Variants in MALRD1 observed in about 807,000 individuals in gnomAD.
MALRD1 encodes the protein MAM and LDL receptor class A domain containing 1.
MALRD1 carries 247 observed loss-of-function variants against 242.1 expected under a neutral mutation model. That is an observed-to-expected ratio of 1.02 (90% CI 0.92 to 1.13). The LOEUF is 1.13. MALRD1 is among the 50% of genes most tolerant of loss of function. MALRD1 has a pLI of 0.00. For synonymous variants in MALRD1, 995 were observed against 866.6 expected (o/e 1.15, Z -2.60); for missense variants, 2,989 against 2,533.1 (o/e 1.18, Z -3.86).
chr10:19,124,043 CAAA>C (rs71387044), intron 6 of MALRD1, among the ~76,000 whole-genome samples: 5 of 87,278 alleles, frequency 5.7e-5, no homozygotes, highest in South Asian at 3.5e-4. Flanking sequence ...TCATCTCTAC[CAAA>C]AAAAAAAAAA....
At chr10:19,480,088 G>A (rs550323838) in intron 29 of MALRD1, among the ~76,000 whole-genome samples, 1 of 152,320 alleles carries the variant, frequency 6.6e-6, no homozygotes, top group East Asian at 1.9e-4. Flanking sequence ...CCATGTGGCT[G>A]AGGAGGGACA....
At position 19,387,392 on chromosome 10, in the gene MALRD1, G is replaced by T; in HGVS notation, c.4442-136G>T. ...GAGCAGAGTGGGAGAGAGAGAGATG[G>T]GGTTCAGGTACCTCAAATTCCTAAG... On this transcript the variant is annotated intron_variant, in intron 26 of 39. Coordinates refer to ENST00000454679, the MANE Select transcript of MALRD1 (RefSeq NM_001142308.3). The T allele has an allele frequency of 4.1e-6, 4 of 982,642 alleles. No homozygotes were observed. The East Asian group carries it at 1.1e-4, about 26-fold the overall frequency. The allele number at this position is 982,642 out of a possible 1,614,324, so 60.9% of individuals were successfully genotyped here.
intron 32 of MALRD1, among the ~76,000 whole-genome samples, chr10:19,538,232 A>G (rs569137091): frequency 3.9e-5 from 6 of 152,346 alleles, no homozygotes; most frequent in African/African-American, 1.4e-4. Context: ...AAAATATTTT[A>G]TAGAAATTAG....
chr10:19,455,610 A>T (rs1057013054), intron 29 of MALRD1, among the ~76,000 whole-genome samples: 1 of 152,214 alleles, frequency 6.6e-6, no homozygotes, highest in African/African-American at 2.4e-5. Flanking sequence ...ACTTTGAAAA[A>T]CACATGAGAT....
rs149059433 is a variant in MALRD1, at chr10:19,545,564, T to TTC, written c.5478+14213_5478+14214insTC. Among the ~76,000 whole-genome samples the TTC allele has an allele frequency of 3.2e-3, 492 of 152,316 alleles. 2 individuals are homozygous for TTC. Among genetic ancestry groups the TTC allele is most frequent in the African/African-American group, 0.011 (470 of 41,572 alleles). ...TTTAGAAGACTGATGTCTGTCTGATTATTTCTCCTTCAGGACTTTTACACT... is the reference window on the plus strand; with the variant it reads ...TTTAGAAGACTGATGTCTGTCTGATTTCATTTCTCCTTCAGGACTTTTACACT... On this transcript the variant is annotated intron_variant, in intron 32 of 39. Coordinates refer to ENST00000454679, the MANE Select transcript of MALRD1 (RefSeq NM_001142308.3).
chr10:19,355,858 T>TATATATATATATATTATATATATATATA (rs57813656), intron 26 of MALRD1, among the ~76,000 whole-genome samples: 1 of 94,924 alleles, frequency 1.1e-5, no homozygotes, highest in Non-Finnish European at 2.2e-5. Context: ...TATATATATA[T>TATATATATATATATTATATATATATATA]TATATATGAT....
At chr10:19,251,072 C>T (rs1334528662) in intron 18 of MALRD1, among the ~76,000 whole-genome samples, 1 of 151,868 alleles carries the variant, frequency 6.6e-6, no homozygotes, top group Non-Finnish European at 1.5e-5. Context: ...AAATGAGACT[C>T]CTTCCTTCAG....
chr10:19,546,068 T>C (rs564873738), intron 32 of MALRD1, among the ~76,000 whole-genome samples: 11 of 152,160 alleles, frequency 7.2e-5, no homozygotes, highest in Admixed American at 1.3e-4. Flanking sequence ...TTAACTGTCT[T>C]TCCCATGGTG....
intron 29 of MALRD1, 115 bp from the exon 30 acceptor site, chr10:19,491,402 G>A (rs1837486532): frequency 1.6e-6 from 2 of 1,281,086 alleles, no homozygotes; most frequent in Non-Finnish European, 2.1e-6. Flanking sequence ...TTAGGCAACT[G>A]TTGAAATCCT....
chr10:19,352,175 T>A lies in MALRD1; in HGVS notation c.4319T>A (p.Phe1440Tyr). Residue 1440 changes from phenylalanine (F) to tyrosine (Y), a missense_variant, in exon 26 of 40, where the codon TTT becomes TAT. Transcript: ENST00000454679. ...GGTGATGAAGACTTCCAACTCAAAT[T>A]TGAAGGTAGAGTTGGGAAAGGTCAG... ...LFGDEDFQLK[F>Y]EGRVGKGQRG... The A allele has an allele frequency of 6.4e-7, 1 of 1,550,450 alleles. No homozygotes were observed. The highest frequency in any genetic ancestry group is 8.7e-7 in the Non-Finnish European group (1 of 1,146,926).
intron 29 of MALRD1, among the ~76,000 whole-genome samples, chr10:19,454,190 A>G (rs1363796140): frequency 6.6e-6 from 1 of 152,030 alleles, no homozygotes; most frequent in Non-Finnish European, 1.5e-5. Flanking sequence ...TGAAAAACAT[A>G]TGCAACAAAA....
At chr10:19,171,609 CACAT>C (rs1284522956) in intron 13 of MALRD1, among the ~76,000 whole-genome samples, 2 of 118,086 alleles carry the variant, frequency 1.7e-5, no homozygotes, top group African/African-American at 3.1e-5. Context: ...AATACACACA[CACAT>C]ATATGTCTAT....
intron 29 of MALRD1, among the ~76,000 whole-genome samples, chr10:19,477,632 A>G (rs1340106529): frequency 6.6e-6 from 1 of 152,166 alleles, no homozygotes; most frequent in Non-Finnish European, 1.5e-5. Flanking sequence ...TAGGCGAAAG[A>G]AGGAGAAAAA....
chr10:19,729,009 A>G (rs1835167063), intron 38 of MALRD1, among the ~76,000 whole-genome samples: 1 of 152,222 alleles, frequency 6.6e-6, no homozygotes, highest in Non-Finnish European at 1.5e-5. Flanking sequence ...GACTTTTTTC[A>G]ATAATAACCC....
At chr10:19,063,215 G>A (rs574323574) in intron 1 of MALRD1, among the ~76,000 whole-genome samples, 1 of 152,168 alleles carries the variant, frequency 6.6e-6, no homozygotes, top group Admixed American at 6.5e-5. Context: ...GACTCTGATG[G>A]GAAGACTACA....
At chr10:19,287,569 G>A (rs757061034) in intron 21 of MALRD1, among the ~76,000 whole-genome samples, 8 of 151,932 alleles carry the variant, frequency 5.3e-5, no homozygotes, top group Non-Finnish European at 1.0e-4. Flanking sequence ...GATGTTTTAT[G>A]ATCTTAATGT....
intron 12 of MALRD1, among the ~76,000 whole-genome samples, chr10:19,162,677 G>T (rs1418237253): frequency 6.6e-6 from 1 of 152,124 alleles, no homozygotes; most frequent in Non-Finnish European, 1.5e-5. Context: ...TGCCGGCAAG[G>T]TTGTGGAGAA....
At chr10:19,321,415 C>T (rs2132026966) in intron 21 of MALRD1, among the ~76,000 whole-genome samples, 1 of 152,170 alleles carries the variant, frequency 6.6e-6, no homozygotes, top group African/African-American at 2.4e-5. Flanking sequence ...CCCATTCCTA[C>T]TGGGAGACAG....
chr10:19,209,725 A>G, intron 18 of MALRD1, 45 bp downstream of exon 18: 1 of 1,453,348 alleles, frequency 6.9e-7, no homozygotes, highest in Non-Finnish European at 9.2e-7. Flanking sequence ...ATGCATCTGA[A>G]TGTCTAAGGA....
Sources: gnomAD v4.1 joint callset for allele counts (sites outside exome capture counted in the v4.1 genomes callset) on GRCh38, gnomAD v4.1.1 for gene constraint, MANE v1.5 for transcripts, NCBI Gene and HGNC (gene_info 2026-07-23, HGNC 2026-07-21) for gene names.